The following VEGFC variants were observed in gnomAD, a reference collection of about 807,000 sequenced individuals.
VEGFC encodes vascular endothelial growth factor C.
In VEGFC, 12 loss-of-function variants were observed where a neutral mutation model predicts 46.1. The ratio of observed to expected loss-of-function variants is 0.26; its 90% confidence interval spans 0.17 to 0.42. The LOEUF is 0.42. Among genes scored for constraint, VEGFC ranks in the 10% least tolerant of loss-of-function variants. VEGFC has a pLI of 1.00. For synonymous variants in VEGFC, 232 were observed against 195.5 expected, an observed-to-expected ratio of 1.19 and a Z score of -1.56; for missense variants, 488 against 529.4, an observed-to-expected ratio of 0.92 and a Z score of 0.77.
intron 1 of VEGFC, among the ~76,000 whole-genome samples, chr4:176,749,113 A>C (rs1010493953): frequency 4.6e-5 from 7 of 152,022 alleles, no homozygotes; most frequent in Non-Finnish European, 8.8e-5. Flanking sequence ...AGCTGAAATT[A>C]GAAGCTGAGT....
At chr4:176,732,643 T>C (rs1366717874) in intron 1 of VEGFC, among the ~76,000 whole-genome samples, 1 of 151,408 alleles carries the variant, frequency 6.6e-6, no homozygotes, top group Non-Finnish European at 1.5e-5. Flanking sequence ...GAATAAATAA[T>C]GTAAACATTG....
At chr4:176,695,569 A>G (rs1734296800) in intron 4 of VEGFC, among the ~76,000 whole-genome samples, 1 of 151,796 alleles carries the variant, frequency 6.6e-6, no homozygotes, top group African/African-American at 2.4e-5. Flanking sequence ...AACTGGTACC[A>G]TTCCTTCTGA....
intron 3 of VEGFC, 44 bp downstream of exon 3, chr4:176,727,734 G>A: frequency 1.3e-6 from 2 of 1,573,392 alleles, no homozygotes; most frequent in East Asian, 2.3e-5. Context: ...TAAAGCTTCT[G>A]ATTAAGGGGG....
intron 1 of VEGFC, among the ~76,000 whole-genome samples, chr4:176,777,538 T>C (rs1328335363): frequency 1.3e-5 from 2 of 152,228 alleles, no homozygotes; most frequent in South Asian, 2.1e-4. Flanking sequence ...TCAGATTTTA[T>C]ATAATACCTA....
Position 176,687,437 on chromosome 4 carries a change from G to A in VEGFC, c.895C>T (p.Leu299Phe), listed in dbSNP as rs1734064293. 1 of 1,614,046 alleles carries A rather than the reference G, an allele frequency of 6.2e-7. No individual in the cohort carries two copies. Among genetic ancestry groups the A allele is most frequent in the African/African-American group, 1.3e-5 (1 of 74,924 alleles). ...TGGGGTCCACAGCTGGCAGGCCGAA[G>A]CCCCGCTCTGCAGACACACTGACAG... ...ETCQCVCRAG[L>F]RPASCGPHKE... Residue 299 changes from leucine (L) to phenylalanine (F), a missense_variant, in exon 6 of 7, where the codon CTT becomes TTT. Coordinates refer to ENST00000618562, the MANE Select transcript of VEGFC (RefSeq NM_005429.5).
chr4:176,689,690 TTTTA>T (rs1734113877), intron 4 of VEGFC: 2 of 152,186 alleles, frequency 1.3e-5, no homozygotes, highest in Non-Finnish European at 2.9e-5. Flanking sequence ...ATTATGGGTC[TTTTA>T]TTTATTTTAA....
At chr4:176,713,302 T>G (rs1390325652) in intron 3 of VEGFC, among the ~76,000 whole-genome samples, 6 of 152,176 alleles carry the variant, frequency 3.9e-5, no homozygotes, top group African/African-American at 9.6e-5. Flanking sequence ...GGTGAAATAT[T>G]GCAATGGCAG....
chr4:176,743,815 A>T (rs529116528), intron 1 of VEGFC, among the ~76,000 whole-genome samples: 59 of 151,956 alleles, frequency 3.9e-4, no homozygotes, highest in Non-Finnish European at 5.0e-4. Context: ...AATAAAAATC[A>T]CCTTTCTAAC....
intron 4 of VEGFC, among the ~76,000 whole-genome samples, chr4:176,691,706 T>A (rs910377083): frequency 6.6e-5 from 10 of 152,254 alleles, no homozygotes; most frequent in African/African-American, 2.2e-4. Context: ...ATCTCTCCTT[T>A]GAAATATTAA....
chr4:176,773,825 C>A (rs1400439213), intron 1 of VEGFC, among the ~76,000 whole-genome samples: 1 of 152,016 alleles, frequency 6.6e-6, no homozygotes, highest in Non-Finnish European at 1.5e-5. Context: ...TGGGTATATG[C>A]CACCATGCCT....
At chr4:176,707,110 A>G (rs1036506514) in intron 4 of VEGFC, among the ~76,000 whole-genome samples, 3 of 152,158 alleles carry the variant, frequency 2.0e-5, no homozygotes, top group African/African-American at 7.2e-5. Context: ...CACTGTATGC[A>G]TATACTAAGA....
chr4:176,773,031 T>G (rs1735748746), intron 1 of VEGFC, among the ~76,000 whole-genome samples: 1 of 152,228 alleles, frequency 6.6e-6, no homozygotes, highest in Non-Finnish European at 1.5e-5. Context: ...CTTTATCGGC[T>G]TCTCTTACAG....
At chr4:176,790,480 A>G (rs1736071695) in intron 1 of VEGFC, among the ~76,000 whole-genome samples, 1 of 152,140 alleles carries the variant, frequency 6.6e-6, no homozygotes. Flanking sequence ...AAAGTTAAAA[A>G]TAAGTTAACT....
At chr4:176,724,463 C>T (rs1161836923) in intron 3 of VEGFC, among the ~76,000 whole-genome samples, 1 of 152,152 alleles carries the variant, frequency 6.6e-6, no homozygotes, top group African/African-American at 2.4e-5. Flanking sequence ...TAACTATAAA[C>T]TATGTGATTA....
At position 176,727,882 on chromosome 4, in the gene VEGFC, T is replaced by A. The variant is rs756847249; in HGVS notation, c.448A>T (p.Thr150Ser). The change falls in exon 3 of 7, where the codon ACC becomes TCC. Residue 150 changes from threonine (T) to serine (S), a missense_variant. Transcript: ENST00000618562. ...VGKEFGVATN[T>S]FFKPPCVSVY... is the part of the protein sequence containing the mutation. ...GACACACATGGAGGTTTAAAGAAGGTGTTTGTCGCGACTCCAAACTCCTTC... is the reference window on the plus strand; with the variant it reads ...GACACACATGGAGGTTTAAAGAAGGAGTTTGTCGCGACTCCAAACTCCTTC... 3 of 1,613,922 alleles carry A rather than the reference T, an allele frequency of 1.9e-6. No individual in the cohort carries two copies. In the Admixed American group the frequency reaches 5.0e-5, roughly 27 times the overall value.
intron 1 of VEGFC, among the ~76,000 whole-genome samples, chr4:176,735,720 T>C (rs1366412715): frequency 1.3e-5 from 2 of 151,862 alleles, no homozygotes; most frequent in African/African-American, 2.4e-5. Context: ...AGTTGGACTC[T>C]GGAGAATTTA....
intron 3 of VEGFC, among the ~76,000 whole-genome samples, chr4:176,727,217 T>G (rs2111015527): frequency 6.6e-6 from 1 of 152,350 alleles, no homozygotes; most frequent in South Asian, 2.1e-4. Context: ...GCTTACCATT[T>G]AATGAGATAA....
chr4:176,777,696 C>A (rs1410397660), intron 1 of VEGFC, among the ~76,000 whole-genome samples: 1 of 151,780 alleles, frequency 6.6e-6, no homozygotes, highest in Non-Finnish European at 1.5e-5. Context: ...CCGAGGCAGG[C>A]GGATCACAAG....
rs554798707 is a variant in VEGFC, at chr4:176,711,796, C to T, written c.553-146G>A. On this transcript the variant is annotated intron_variant, in intron 3 of 6. Transcript: ENST00000618562. Reference sequence around the variant, plus strand: ...GCAGGACGCTATGTTTTTATGATTACAAAGTAAAAACTGTCTTGCTCCTAA... The same window carrying T: ...GCAGGACGCTATGTTTTTATGATTATAAAGTAAAAACTGTCTTGCTCCTAA... 1.4e-4 allele frequency: 97 copies of T among 718,358 alleles called. No homozygotes were observed. The East Asian group carries it at 2.6e-3, about 20-fold the overall frequency. The allele number at this position is 718,358 out of a possible 1,614,324, so 44.5% of individuals were successfully genotyped here.
Sources: gnomAD v4.1 joint callset for allele counts (sites outside exome capture counted in the v4.1 genomes callset) on GRCh38, gnomAD v4.1.1 for gene constraint, MANE v1.5 for transcripts, NCBI Gene and HGNC (gene_info 2026-07-23, HGNC 2026-07-21) for gene names.